Variants in CSMD2 observed in about 807,000 individuals in gnomAD.
CSMD2 encodes the protein CUB and sushi domain-containing protein 2.
A neutral mutation model predicts 398.5 loss-of-function variants in CSMD2; 130 were observed. The ratio of observed to expected loss-of-function variants is 0.33; its 90% CI spans 0.28 to 0.38. The LOEUF (loss-of-function observed/expected upper bound fraction) is 0.38. Among genes scored for constraint, CSMD2 ranks in the 10% least tolerant of loss-of-function variants. The pLI is 1.00. For missense variants in CSMD2, 3,829 were observed against 4,764.9 expected, an observed-to-expected ratio of 0.80 and a Z score of 5.78; for synonymous variants, 1,828 against 1,908.5, an observed-to-expected ratio of 0.96 and a Z score of 1.10.
intron 5 of CSMD2, among the ~76,000 whole-genome samples, chr1:33,911,465 G>A (rs1321288264): frequency 6.6e-6 from 1 of 152,142 alleles, no homozygotes; most frequent in Non-Finnish European, 1.5e-5. Flanking sequence ...TCATTCAAGA[G>A]GAGAAAGAGT....
intron 35 of CSMD2, among the ~76,000 whole-genome samples, chr1:33,623,936 C>T (rs1026909200): frequency 2.6e-5 from 4 of 152,182 alleles, no homozygotes; most frequent in African/African-American, 9.6e-5. Flanking sequence ...TGCCTTGACG[C>T]CAATGCTGGG....
Position 34,132,631 on chromosome 1 carries a change from T to C in CSMD2, c.187+32280A>G, listed in dbSNP as rs187019069. On this transcript the variant is annotated intron_variant, in intron 1 of 70. Transcript: ENST00000373381. ...AATAAAACAGATCAACCCTCACCAA[T>C]GTGGGTGGGCCTCATCCAATTCATT... 1.2e-4 allele frequency among the ~76,000 whole-genome samples: 18 copies of C among 152,348 alleles called. No homozygotes were observed. The East Asian group carries it at 2.7e-3, about 23-fold the overall frequency.
intron 11 of CSMD2, 43 bp downstream of exon 11, chr1:33,792,380 G>C (rs1460314791): frequency 6.9e-7 from 1 of 1,448,594 alleles, no homozygotes; most frequent in South Asian, 1.1e-5. Context: ...ACCAACCCCA[G>C]CCACCGTCCC....
chr1:33,999,712 C>T (rs1203136735), intron 3 of CSMD2, among the ~76,000 whole-genome samples: 1 of 152,056 alleles, frequency 6.6e-6, no homozygotes, highest in Non-Finnish European at 1.5e-5. Flanking sequence ...GATTCTTGGC[C>T]CTGGGCAAAT....
chr1:33,883,830 C>T (rs1219827155), intron 5 of CSMD2, among the ~76,000 whole-genome samples: 1 of 152,180 alleles, frequency 6.6e-6, no homozygotes, highest in Non-Finnish European at 1.5e-5. Flanking sequence ...GGAATTTGGA[C>T]TTGGAAGAGA....
intron 3 of CSMD2, among the ~76,000 whole-genome samples, chr1:33,945,602 A>G (rs943125226): frequency 1.3e-5 from 2 of 152,186 alleles, no homozygotes; most frequent in Non-Finnish European, 2.9e-5. Context: ...GCAGGGGAGC[A>G]GGGAGCCACA....
At chr1:33,985,020 T>C (rs958004403) in intron 3 of CSMD2, among the ~76,000 whole-genome samples, 4 of 152,184 alleles carry the variant, frequency 2.6e-5, no homozygotes, top group Non-Finnish European at 5.9e-5. Context: ...AAGGCAGCTT[T>C]GATGAAGGCA....
intron 1 of CSMD2, among the ~76,000 whole-genome samples, chr1:34,129,663 TAAATAAAATA>T (rs1302076884): frequency 3.3e-5 from 5 of 151,878 alleles, no homozygotes; most frequent in African/African-American, 1.2e-4. Context: ...AAAAAATAAA[TAAATAAAATA>T]AAATAAAATA....
In CSMD2 at chr1:33,819,889, G is replaced by A. The variant is rs189164269; in HGVS notation, c.1200-52C>T. The A allele has an allele frequency of 3.7e-4, 587 of 1,603,716 alleles. No individual in the cohort carries two copies. In the African/African-American group the frequency reaches 6.6e-3, roughly 18 times the overall value. On this transcript the variant is annotated intron_variant, in intron 8 of 70. Transcript: ENST00000373381. ...TCCATCCCTGGGCCTGCCAAGCCCC[G>A]CCCCAAGTCCTTCCTGGTTCCACAA...
At chr1:33,775,444 C>A (rs1201201829) in intron 12 of CSMD2, among the ~76,000 whole-genome samples, 1 of 152,064 alleles carries the variant, frequency 6.6e-6, no homozygotes, top group Admixed American at 6.6e-5. Context: ...ATTTCGTGCC[C>A]ATGAGTGCCC....
intron 5 of CSMD2, among the ~76,000 whole-genome samples, chr1:33,914,461 G>A (rs901019473): frequency 1.3e-5 from 2 of 152,012 alleles, no homozygotes; most frequent in African/African-American, 2.4e-5. Flanking sequence ...TAGTCAGGGT[G>A]TAATACCAAT....
At chr1:33,620,876 C>G (rs534634156) in intron 37 of CSMD2, among the ~76,000 whole-genome samples, 1 of 146,544 alleles carries the variant, frequency 6.8e-6, no homozygotes, top group Non-Finnish European at 1.5e-5. Flanking sequence ...ATCCTGGGAC[C>G]TGTTTAATTC....
rs1294950443 is a variant in CSMD2, at chr1:34,165,160, G to A, written c.-63C>T. ...CCGCCGAGGAGAAAGGAGGTCAGGA[G>A]AGCTCTGGAGCTTTTTTCTGCTCGG... is the stretch of plus-strand genomic sequence containing the variant. On this transcript the variant is annotated 5_prime_UTR_variant, in exon 1 of 71. Transcript: ENST00000373381. 7 of 1,197,646 alleles carry A rather than the reference G, an allele frequency of 5.8e-6. No individual in the cohort carries two copies. In the African/African-American group the frequency reaches 6.3e-5, roughly 11 times the overall value. 74.2% of individuals were successfully genotyped at this position (1,197,646 alleles called of 1,614,324 possible). A position where few individuals can be genotyped will look rare whatever the true frequency, so the allele number is the denominator to read the frequency against.
chr1:33,768,536 ATG>A (rs60273744), intron 13 of CSMD2, among the ~76,000 whole-genome samples: 7,840 of 142,082 alleles, frequency 0.055, 244 homozygotes, highest in Middle Eastern at 0.11. Flanking sequence ...GTGTGCGTGC[ATG>A]TGTGTGTGTG....
chr1:33,987,186 C>T (rs1334558628), intron 3 of CSMD2, among the ~76,000 whole-genome samples: 1 of 152,152 alleles, frequency 6.6e-6, no homozygotes, highest in African/African-American at 2.4e-5. Flanking sequence ...TGTTCTTCCA[C>T]TACCTAATTC....
chr1:33,802,877 A>G lies in CSMD2; in HGVS notation c.1446+7866T>C, dbSNP rs141773769. Reference sequence around the variant, plus strand: ...AGCCTACTAACATACTCCAGTTCCAATATTTTAAACACATGCCCCAAAGTA... The same window carrying G: ...AGCCTACTAACATACTCCAGTTCCAGTATTTTAAACACATGCCCCAAAGTA... On this transcript the variant is annotated intron_variant, in intron 10 of 70. Coordinates refer to ENST00000373381, the MANE Select transcript of CSMD2 (RefSeq NM_001281956.2). Among the ~76,000 whole-genome samples, 427 of 152,154 alleles carry G rather than the reference A, an allele frequency of 2.8e-3. 6 individuals are homozygous for G. Among genetic ancestry groups the G allele is most frequent in the South Asian group, 0.022 (105 of 4,814 alleles).
At chr1:33,685,373 T>C (rs919171470) in intron 25 of CSMD2, among the ~76,000 whole-genome samples, 1 of 152,254 alleles carries the variant, frequency 6.6e-6, no homozygotes, top group Non-Finnish European at 1.5e-5. Context: ...TTTCTGTCTA[T>C]AATACTGAGA....
chr1:33,809,111 A>T (rs1656565214), intron 10 of CSMD2, among the ~76,000 whole-genome samples: 4 of 152,032 alleles, frequency 2.6e-5, no homozygotes, highest in Admixed American at 2.6e-4. Context: ...TTTCAAGGCA[A>T]AAGTTATGCC....
In CSMD2 at chr1:34,165,116, G is replaced by C; in HGVS notation, c.-19C>G. The stretch of plus-strand genomic sequence containing the variant: ...GCGGCATGGCGCGGCCGGCAGCGCC[G>C]AGGGAGAGGCTCCGCTCGCCGCCGA... On this transcript the variant is annotated 5_prime_UTR_variant, in exon 1 of 71. Transcript: ENST00000373381. 8.2e-7 allele frequency: 1 copy of C among 1,214,036 alleles called. No individual in the cohort carries two copies. The highest frequency in any genetic ancestry group is 1.0e-6 in the Non-Finnish European group (1 of 976,332). The allele number at this position is 1,214,036 out of a possible 1,614,324, so 75.2% of individuals were successfully genotyped here.
Sources: allele counts gnomAD v4.1 joint callset (sites outside exome capture counted in the v4.1 genomes callset), GRCh38; gene constraint gnomAD v4.1.1; transcripts MANE v1.5; gene names NCBI Gene and HGNC (gene_info 2026-07-23, HGNC 2026-07-21).